OR14A2: variants seen among roughly 807,000 people sequenced by gnomAD.
The protein encoded by OR14A2 is olfactory receptor 14A2.
For missense variants in OR14A2, 237 were observed against 152.9 expected (o/e 1.55, Z -2.90); for synonymous variants, 114 against 58.6 (o/e 1.95, Z -4.32).
chr1:247,727,555 T>C (rs528756771), upstream of OR14A2, among the ~76,000 whole-genome samples: 17,706 of 147,742 alleles, frequency 0.12, 1,932 homozygotes, highest in African/African-American at 0.3. Flanking sequence ...TAGCAGAAGG[T>C]AAGAAATAAC....
At chr1:247,723,942 C>T (rs1179162167) in exon 1 of OR14A2, 2 of 716,628 alleles carry the variant, frequency 2.8e-6, no homozygotes, top group Admixed American at 2.0e-5. Context: ...TTAGGGCTGC[C>T]AGGTAAATCA....
chr1:247,728,595 A>G (rs1204913699), upstream of OR14A2, among the ~76,000 whole-genome samples: 4 of 152,070 alleles, frequency 2.6e-5, no homozygotes, highest in Non-Finnish European at 4.4e-5. Context: ...AGGAGAAGGA[A>G]ATAAAGGGTA....
chr1:247,728,273 G>A (rs184115907), upstream of OR14A2, among the ~76,000 whole-genome samples: 4 of 152,000 alleles, frequency 2.6e-5, no homozygotes, highest in Admixed American at 6.6e-5. Flanking sequence ...TTCAATATAC[G>A]CAAATCAATA....
chr1:247,739,526 G>T, the OR14A2 span: 1 of 780,514 alleles, frequency 1.3e-6, no homozygotes, highest in Non-Finnish European at 2.4e-6. Context: ...AAGTCCTGTG[G>T]AATGTTAGAA....
At position 247,723,455 on chromosome 1, in the gene OR14A2, C is replaced by A. The variant is rs571414298; in HGVS notation, c.589G>T (p.Gly197Cys). The change falls in exon 1 of 1, where the codon GGT becomes TGT. Residue 197 changes from glycine to cysteine, a missense_variant. By Grantham distance (159) the Gly-to-Cys change is radical. Coordinates refer to ENST00000366485, the Ensembl canonical transcript of OR14A2. ...CTTAAACATGCACCAACTCCAATAC[C>A]TGCATAAATTACCATTAGTGTTTCA... 1.1e-5 allele frequency: 8 copies of A among 717,576 alleles called. No homozygotes were observed. In the Admixed American group the frequency reaches 1.2e-4, roughly 11 times the overall value. The allele number at this position is 717,576 out of a possible 1,614,324, so 44.5% of individuals were successfully genotyped here.
chr1:247,738,279 A>T, the OR14A2 span, among the ~76,000 whole-genome samples: 5 of 152,316 alleles, frequency 3.3e-5, no homozygotes, highest in African/African-American at 1.2e-4. Context: ...GCCCTATTGC[A>T]GTTTTATATA....
chr1:247,728,184 G>A (rs1489890921), upstream of OR14A2, among the ~76,000 whole-genome samples: 1 of 152,064 alleles, frequency 6.6e-6, no homozygotes, highest in African/African-American at 2.4e-5. Context: ...ACAAAATTCT[G>A]GCAAACCGAA....
exon 1 of OR14A2, chr1:247,723,849 G>A (rs1339270748): frequency 2.8e-6 from 2 of 717,786 alleles, no homozygotes; most frequent in East Asian, 5.4e-5. Flanking sequence ...CATCCAAAAA[G>A]GATAAGTTCT....
chr1:247,746,325 A>C, the OR14A2 span: 2 of 152,176 alleles, frequency 1.3e-5, no homozygotes, highest in Non-Finnish European at 2.9e-5. Flanking sequence ...AGTCATAGAA[A>C]GGGGGAGACT....
At chr1:247,735,071 C>T in the OR14A2 span, among the ~76,000 whole-genome samples, 1 of 152,192 alleles carries the variant, frequency 6.6e-6, no homozygotes, top group Admixed American at 6.5e-5. Flanking sequence ...CATGAGGATG[C>T]CCCTGGCATC....
At position 247,723,686 on chromosome 1, in the gene OR14A2, G is replaced by A. The variant is rs764146023; in HGVS notation, c.358C>T (p.Arg120Cys). The A allele has an allele frequency of 4.6e-5, 33 of 718,528 alleles. No individual in the cohort carries two copies. In the East Asian group the frequency reaches 8.0e-4, roughly 18 times the overall value. The allele number at this position is 718,528 out of a possible 1,614,324, so 44.5% of individuals were successfully genotyped here. A position where few individuals can be genotyped will look rare whatever the true frequency, so the allele number is the denominator to read the frequency against. Reference sequence around the variant, plus strand: ...AGGGGACAGCAGATGGCTACATAGCGGTCATAGGACATGGCAGTGAGGATA... The same window carrying A: ...AGGGGACAGCAGATGGCTACATAGCAGTCATAGGACATGGCAGTGAGGATA... Residue 120 changes from arginine (R) to cysteine (C), a missense_variant, in exon 1 of 1, where the codon CGC (arginine) becomes TGC (cysteine). By Grantham distance (180) the Arg-to-Cys change is radical. Coordinates refer to ENST00000366485, the Ensembl canonical transcript of OR14A2.
chr1:247,724,069 A>C, upstream of OR14A2: 1 of 661,638 alleles, frequency 1.5e-6, no homozygotes, highest in Non-Finnish European at 2.7e-6. Context: ...GTGCCTGTCA[A>C]GGTGAGAAAA....
At chr1:247,741,506 G>A in the OR14A2 span, among the ~76,000 whole-genome samples, 4 of 152,162 alleles carry the variant, frequency 2.6e-5, no homozygotes, top group Non-Finnish European at 4.4e-5. Context: ...CATTGAATTG[G>A]AATATGAATA....
At position 247,723,346 on chromosome 1, in the gene OR14A2, G is replaced by GACTGACC; in HGVS notation, c.691_697dup (p.Ser233TrpfsTer29). On this transcript the variant is annotated frameshift_variant, in exon 1 of 1. Transcript: ENST00000366485. LOFTEE classifies it low-confidence loss of function (END_TRUNC). ...GGGGAAGCATGTGGAAAAAGCTTTG[G>GACTGACC]ACTGACCTTTAGTGGTAGGGATCTT... 1.4e-6 allele frequency: 1 copy of GACTGACC among 717,520 alleles called. No individual in the cohort carries two copies. Among genetic ancestry groups the GACTGACC allele is most frequent in the South Asian group, 1.5e-5 (1 of 67,588 alleles). The allele number at this position is 717,520 out of a possible 1,614,324, so 44.4% of individuals were successfully genotyped here. A position where few individuals can be genotyped will look rare whatever the true frequency, so the allele number is the denominator to read the frequency against.
At chr1:247,731,571 CT>C in the OR14A2 span, among the ~76,000 whole-genome samples, 12 of 150,734 alleles carry the variant, frequency 8.0e-5, no homozygotes, top group Admixed American at 5.3e-4. Flanking sequence ...CTGGCATGTT[CT>C]TTTTTTTTCT....
the OR14A2 span, among the ~76,000 whole-genome samples, chr1:247,747,376 T>G: frequency 6.6e-6 from 1 of 151,696 alleles, no homozygotes; most frequent in Non-Finnish European, 1.5e-5. Flanking sequence ...TTTTTTTTTT[T>G]TCTGAGACGG....
the OR14A2 span, among the ~76,000 whole-genome samples, chr1:247,744,749 G>A: frequency 6.6e-6 from 1 of 152,116 alleles, no homozygotes; most frequent in African/African-American, 2.4e-5. This position sits in a 1 kb window ranked among gnomAD's most constrained non-coding sequence, Gnocchi z 4.3. Context: ...TCTGCTACAT[G>A]GCTATATTGC....
At chr1:247,742,905 G>A in the OR14A2 span, among the ~76,000 whole-genome samples, 1 of 152,160 alleles carries the variant, frequency 6.6e-6, no homozygotes, top group African/African-American at 2.4e-5. Context: ...CAAGTTAAAT[G>A]TATCTAGAAC....
the OR14A2 span, among the ~76,000 whole-genome samples, chr1:247,740,415 A>G: frequency 6.6e-6 from 1 of 152,178 alleles, no homozygotes; most frequent in Non-Finnish European, 1.5e-5. Context: ...TATTTGATTC[A>G]TGTGTGCTTG....
Sources: allele counts gnomAD v4.1 joint callset (sites outside exome capture counted in the v4.1 genomes callset), GRCh38; gene constraint gnomAD v4.1.1; non-coding constraint Gnocchi (gnomAD v3.1); transcripts MANE v1.5; gene names NCBI Gene and HGNC (gene_info 2026-07-23, HGNC 2026-07-21).